The following PDGFD variants were observed in gnomAD, a reference collection of about 807,000 sequenced individuals.
PDGFD encodes platelet derived growth factor D.
Under a neutral mutation model 44.7 loss-of-function variants are expected in PDGFD, and 30 were observed. That is an observed-to-expected ratio of 0.67 (90% confidence interval 0.50 to 0.91). PDGFD has a LOEUF of 0.91. Ranked by LOEUF, PDGFD falls within the 40% of genes least tolerant of loss-of-function variation. PDGFD has a pLI of 0.00. For synonymous variants in PDGFD, 173 were observed against 168.4 expected, an observed-to-expected ratio of 1.03 and a Z score of -0.21; for missense variants, 445 against 457.8, an observed-to-expected ratio of 0.97 and a Z score of 0.25.
intron 6 of PDGFD, among the ~76,000 whole-genome samples, chr11:103,919,690 G>A (rs1427626104): frequency 1.3e-5 from 2 of 151,626 alleles, no homozygotes; most frequent in South Asian, 2.1e-4. Context: ...TGTATTTTTA[G>A]TAGAGATGGG....
At chr11:104,079,188 C>G (rs1861009018) in intron 1 of PDGFD, among the ~76,000 whole-genome samples, 1 of 152,026 alleles carries the variant, frequency 6.6e-6, no homozygotes, top group Non-Finnish European at 1.5e-5. Context: ...ACTACCAAGG[C>G]AGGTAAAAAA....
At chr11:104,122,788 AGT>A (rs1456267284) in intron 1 of PDGFD, among the ~76,000 whole-genome samples, 1 of 152,056 alleles carries the variant, frequency 6.6e-6, no homozygotes, top group East Asian at 1.9e-4. Flanking sequence ...CTTTAACTTC[AGT>A]TTTTGGACTA....
chr11:104,036,757 G>T, intron 1 of PDGFD: 1 of 1,326,316 alleles, frequency 7.5e-7, no homozygotes, highest in Non-Finnish European at 1.1e-6. Context: ...AACGACGCAG[G>T]CCCGCCCCAG....
At chr11:103,958,104 G>T (rs1167848242) in intron 3 of PDGFD, among the ~76,000 whole-genome samples, 1 of 151,468 alleles carries the variant, frequency 6.6e-6, no homozygotes, top group Non-Finnish European at 1.5e-5. Flanking sequence ...GCCACTTATG[G>T]AGCACAGATT....
At chr11:103,951,549 T>C (rs1324897182) in intron 3 of PDGFD, among the ~76,000 whole-genome samples, 1 of 152,238 alleles carries the variant, frequency 6.6e-6, no homozygotes, top group East Asian at 1.9e-4. Flanking sequence ...TATGAACTTC[T>C]TTCCTCTGGT....
chr11:104,141,805 G>C (rs1410053644), intron 1 of PDGFD, among the ~76,000 whole-genome samples: 1 of 152,136 alleles, frequency 6.6e-6, no homozygotes, highest in Non-Finnish European at 1.5e-5. Context: ...GCAGGTAACA[G>C]GCCTCCCCTA....
intron 1 of PDGFD, among the ~76,000 whole-genome samples, chr11:104,147,584 G>A (rs537917895): frequency 1.6e-3 from 249 of 152,198 alleles, no homozygotes; most frequent in African/African-American, 5.8e-3. Context: ...GTCAGTGGCA[G>A]GACTGAAATT....
chr11:104,011,363 T>C (rs1045100362), intron 1 of PDGFD, among the ~76,000 whole-genome samples: 8 of 152,234 alleles, frequency 5.3e-5, no homozygotes, highest in African/African-American at 1.2e-4. Flanking sequence ...TATCACATAA[T>C]GAACACATTA....
chr11:104,082,205 T>C (rs76235475), intron 1 of PDGFD, among the ~76,000 whole-genome samples: 7 of 149,178 alleles, frequency 4.7e-5, no homozygotes, highest in East Asian at 2.0e-4. Flanking sequence ...CATATAGATA[T>C]ATGGGCAAGA....
intron 1 of PDGFD, among the ~76,000 whole-genome samples, chr11:104,035,190 TCTCA>T (rs1200372312): frequency 6.6e-6 from 1 of 152,134 alleles, no homozygotes; most frequent in Non-Finnish European, 1.5e-5. Flanking sequence ...CAAAGGTTCA[TCTCA>T]CTCATTCATT....
At chr11:104,049,254 G>C (rs974719213) in intron 1 of PDGFD, among the ~76,000 whole-genome samples, 12 of 152,196 alleles carry the variant, frequency 7.9e-5, no homozygotes, top group African/African-American at 2.7e-4. Flanking sequence ...CTGTGAGGAA[G>C]AGATATTTGA....
intron 3 of PDGFD, among the ~76,000 whole-genome samples, chr11:103,950,985 A>C (rs747311460): frequency 8.5e-5 from 13 of 152,202 alleles, no homozygotes; most frequent in Non-Finnish European, 1.3e-4. Flanking sequence ...ACTTTGGTGC[A>C]CAAGCCCCTA....
rs1338184340 is a variant in PDGFD, at chr11:104,103,370, T to C, written c.124+60434A>G. Among the ~76,000 whole-genome samples, 4 of 151,254 alleles carry C rather than the reference T, an allele frequency of 2.6e-5. No homozygotes were observed. The Admixed American group carries it at 2.6e-4, about 10-fold the overall frequency. On this transcript the variant is annotated intron_variant, in intron 1 of 6. Coordinates refer to ENST00000393158, the MANE Select transcript of PDGFD (RefSeq NM_025208.5). ...TATAACCCTATTTGTGTGTATCCAC[T>C]TATACCTAAATCTTTCACCTGAACA...
intron 1 of PDGFD, among the ~76,000 whole-genome samples, chr11:104,066,121 T>C (rs1565325420): frequency 6.6e-6 from 1 of 152,160 alleles, no homozygotes; most frequent in African/African-American, 2.4e-5. Context: ...CATCAGGGCA[T>C]AGTAAAAATG....
chr11:104,028,191 G>GAAAAAAAAAAAAAAAA (rs36060540), intron 1 of PDGFD, among the ~76,000 whole-genome samples: 1 of 116,152 alleles, frequency 8.6e-6, no homozygotes. Context: ...CTCCGTCAAA[G>GAAAAAAAAAAAAAAAA]AAAAAAAAAA....
chr11:103,914,911 A>C (rs1858094587), intron 6 of PDGFD, among the ~76,000 whole-genome samples: 1 of 152,254 alleles, frequency 6.6e-6, no homozygotes, highest in Non-Finnish European at 1.5e-5. Flanking sequence ...TTCATGCTAA[A>C]AATTCTCAGT....
At chr11:104,036,819 C>T (rs1261002038) in intron 1 of PDGFD, 1 of 1,611,122 alleles carries the variant, frequency 6.2e-7, no homozygotes, top group Non-Finnish European at 8.5e-7. Flanking sequence ...CCCGGGCCCC[C>T]GCCATGCTGA....
chr11:103,936,766 T>C (rs1021022509), intron 5 of PDGFD, among the ~76,000 whole-genome samples: 29 of 152,080 alleles, frequency 1.9e-4, no homozygotes, highest in Non-Finnish European at 3.4e-4. Flanking sequence ...TTGGAACTAA[T>C]TTAGTATCAA....
chr11:104,036,238 G>C (rs1244432902), intron 1 of PDGFD, among the ~76,000 whole-genome samples: 2 of 152,034 alleles, frequency 1.3e-5, no homozygotes, highest in East Asian at 1.9e-4. Flanking sequence ...CCAGGAGTTG[G>C]AGGCCAGCCC....
Sources: gnomAD v4.1 joint callset for allele counts (sites outside exome capture counted in the v4.1 genomes callset) on GRCh38, gnomAD v4.1.1 for gene constraint, MANE v1.5 for transcripts, NCBI Gene and HGNC (gene_info 2026-07-23, HGNC 2026-07-21) for gene names.